The following POC5 variants were observed in gnomAD, a reference collection of about 807,000 sequenced individuals.
The protein encoded by POC5 is centrosomal protein POC5.
POC5 carries 48 observed loss-of-function variants against 62.9 expected under a neutral mutation model. The observed-to-expected ratio is 0.76, with a 90% CI of 0.61 to 0.97. The LOEUF (loss-of-function observed/expected upper bound fraction) is 0.97. Among genes scored for constraint, POC5 ranks in the 50% least tolerant of loss-of-function variants. The pLI, the probability that POC5 is intolerant of heterozygous loss-of-function variation, is 0.00. For synonymous variants in POC5, 236 were observed against 228.2 expected, an observed-to-expected ratio of 1.03 and a Z score of -0.31; for missense variants, 696 against 679.5, an observed-to-expected ratio of 1.02 and a Z score of -0.27.
chr5:75,705,784 T>C lies in POC5; in HGVS notation c.227A>G (p.Asn76Ser). The C allele has an allele frequency of 6.5e-7, 1 of 1,535,046 alleles. No individual in the cohort carries two copies. Among genetic ancestry groups the C allele is most frequent in the Non-Finnish European group, 8.8e-7 (1 of 1,141,648 alleles). ...TIHDILHSQG[N>S]NSEVRETAIE... ...TGCAGTTTCTCTTACTTCAGAGTTA[T>C]TTCCTGCCAAAAAGAAAGCTTTTTA... Residue 76 changes from asparagine to serine, a missense_variant, in exon 4 of 12, where the codon AAT becomes AGT. By Grantham distance (46) the Asn-to-Ser change is conservative. Transcript: ENST00000428202.
At chr5:75,697,548 G>C (rs904054981) in intron 5 of POC5, among the ~76,000 whole-genome samples, 4 of 152,084 alleles carry the variant, frequency 2.6e-5, no homozygotes, top group African/African-American at 9.7e-5. Flanking sequence ...AAGAGCTCCT[G>C]AAGGAAGTGC....
At chr5:75,699,972 C>T (rs1333396086) in intron 5 of POC5, among the ~76,000 whole-genome samples, 2 of 151,964 alleles carry the variant, frequency 1.3e-5, no homozygotes, top group Non-Finnish European at 2.9e-5. Context: ...TTCATAATTG[C>T]TTCAAAGAGA....
chr5:75,696,298 G>C (rs1291707758), intron 5 of POC5, among the ~76,000 whole-genome samples: 1 of 152,180 alleles, frequency 6.6e-6, no homozygotes, highest in Non-Finnish European at 1.5e-5. Flanking sequence ...AACCTCTGCA[G>C]ACTTAAATGT....
chr5:75,712,211 C>G lies in POC5; in HGVS notation c.84+643G>C, dbSNP rs549719966. 7.9e-6 allele frequency: 7 copies of G among 881,546 alleles called. No homozygotes were observed. In the African/African-American group the frequency reaches 1.0e-4, roughly 13 times the overall value. The allele number at this position is 881,546 out of a possible 1,614,324, so 54.6% of individuals were successfully genotyped here. On this transcript the variant is annotated intron_variant, in intron 2 of 11. Coordinates refer to ENST00000428202, the MANE Select transcript of POC5 (RefSeq NM_001099271.2). ...ATGCTTAGGCATAAACAGCCTTTCC[C>G]CTTGAGTAATACAACTGTAAAATTT...
chr5:75,696,733 G>A (rs1180003355), intron 5 of POC5, among the ~76,000 whole-genome samples: 1 of 152,044 alleles, frequency 6.6e-6, no homozygotes, highest in Non-Finnish European at 1.5e-5. Flanking sequence ...GAGCTGAGAA[G>A]GCTTCAGACG....
chr5:75,689,635 T>C lies in POC5; in HGVS notation c.976-470A>G, dbSNP rs76473157. On this transcript the variant is annotated intron_variant, in intron 8 of 11. Transcript: ENST00000428202. ...ACCCTAGGTACAACACACTTTCCCATAGGCCAAACCTCAGGGGACTGCATT... is the reference window on the plus strand; with the variant it reads ...ACCCTAGGTACAACACACTTTCCCACAGGCCAAACCTCAGGGGACTGCATT... 3.9e-4 allele frequency: 386 copies of C among 985,364 alleles called. 2 individuals are homozygous for C. In the East Asian group the frequency reaches 0.031, roughly 79 times the overall value. 61.0% of individuals were successfully genotyped at this position (985,364 alleles called of 1,614,324 possible).
intron 4 of POC5, 148 bp downstream of exon 4, chr5:75,705,556 A>C (rs1197024502): frequency 5.1e-5 from 28 of 543,742 alleles, no homozygotes; most frequent in Non-Finnish European, 3.1e-6. Context: ...AATTATTTTA[A>C]ATATTATCAC....
chr5:75,678,646 T>A (rs1775766091), intron 10 of POC5, among the ~76,000 whole-genome samples: 2 of 152,192 alleles, frequency 1.3e-5, no homozygotes, highest in Non-Finnish European at 2.9e-5. Context: ...CTGCTATAGT[T>A]CTTAATGAGA....
intron 5 of POC5, 120 bp downstream of exon 5, chr5:75,702,485 A>G: frequency 2.1e-6 from 2 of 950,130 alleles, no homozygotes; most frequent in Non-Finnish European, 3.1e-6. Context: ...CACTAAACTG[A>G]TCTCAGGAAA....
At chr5:75,679,331 TA>T (rs1407442255) in intron 10 of POC5, among the ~76,000 whole-genome samples, 2 of 152,192 alleles carry the variant, frequency 1.3e-5, no homozygotes, top group East Asian at 3.8e-4. Context: ...ATTTTTTCTC[TA>T]AACAGTTTTT....
chr5:75,703,831 G>T (rs567049989), intron 4 of POC5, among the ~76,000 whole-genome samples: 1 of 151,686 alleles, frequency 6.6e-6, no homozygotes, highest in East Asian at 2.0e-4. Context: ...GAGAGTCAGG[G>T]CCCTAAAGAG....
intron 9 of POC5, 35 bp downstream of exon 9, chr5:75,688,977 G>T (rs1332941689): frequency 2.0e-6 from 3 of 1,493,418 alleles, no homozygotes; most frequent in African/African-American, 2.8e-5. Context: ...ATCTTTTTTT[G>T]AAATTAGGCA....
chr5:75,693,156 TATAAC>T (rs1042752901), intron 6 of POC5, among the ~76,000 whole-genome samples: 3 of 144,452 alleles, frequency 2.1e-5, no homozygotes, highest in South Asian at 2.2e-4. Flanking sequence ...ATGTTATACA[TATAAC>T]ATATTAATAA....
chr5:75,706,839 C>A (rs972308444), intron 3 of POC5, among the ~76,000 whole-genome samples: 2 of 152,216 alleles, frequency 1.3e-5, no homozygotes, highest in Non-Finnish European at 2.9e-5. Context: ...GCATGAGCCA[C>A]TGCCTGGCCT....
At chr5:75,682,951 G>C (rs563470176) in intron 10 of POC5, among the ~76,000 whole-genome samples, 2 of 152,132 alleles carry the variant, frequency 1.3e-5, no homozygotes, top group African/African-American at 4.8e-5. Context: ...AGTAGCTCTC[G>C]AAAGGTAAAA....
At chr5:75,699,403 G>A (rs572428806) in intron 5 of POC5, among the ~76,000 whole-genome samples, 3 of 152,018 alleles carry the variant, frequency 2.0e-5, no homozygotes, top group Non-Finnish European at 2.9e-5. Flanking sequence ...GGGATGCAAG[G>A]CTGGTTCAAT....
At chr5:75,692,736 G>C (rs1776395839) in intron 6 of POC5, among the ~76,000 whole-genome samples, 2 of 151,786 alleles carry the variant, frequency 1.3e-5, no homozygotes, top group African/African-American at 4.8e-5. Context: ...TGTGTATATG[G>C]TAATCACCAA....
At chr5:75,674,664 C>G (rs1188011725) in intron 11 of POC5, 86 bp from the exon 12 acceptor site, 1 of 1,465,210 alleles carries the variant, frequency 6.8e-7, no homozygotes, top group African/African-American at 1.4e-5. Flanking sequence ...ATAATTTAAC[C>G]CAATAAACAT....
chr5:75,676,367 T>C (rs1775651090), intron 11 of POC5, among the ~76,000 whole-genome samples: 1 of 152,196 alleles, frequency 6.6e-6, no homozygotes, highest in Admixed American at 6.5e-5. Context: ...TCTGTCCAAC[T>C]TATGAAACAT....
Sources: allele counts gnomAD v4.1 joint callset (sites outside exome capture counted in the v4.1 genomes callset), GRCh38; gene constraint gnomAD v4.1.1; transcripts MANE v1.5; gene names NCBI Gene and HGNC (gene_info 2026-07-23, HGNC 2026-07-21).